The following PBLD variants were observed in gnomAD, a reference collection of about 807,000 sequenced individuals.
PBLD encodes phenazine biosynthesis-like domain-containing protein.
A neutral mutation model predicts 31.3 loss-of-function variants in PBLD; 26 were observed. The observed-to-expected ratio is 0.83, with a 90% CI of 0.61 to 1.15. PBLD has a LOEUF of 1.15. Ranked by LOEUF, PBLD falls within the 50% of genes most tolerant of loss-of-function variation. The pLI is 0.00. For synonymous variants in PBLD, 114 were observed against 129.0 expected (o/e 0.88, Z 0.79); for missense variants, 307 against 351.7 (o/e 0.87, Z 1.02).
intron 1 of PBLD, among the ~76,000 whole-genome samples, chr10:68,307,228 C>A (rs933972883): frequency 2.0e-5 from 3 of 151,976 alleles, no homozygotes; most frequent in Non-Finnish European, 2.9e-5. Flanking sequence ...CAGGTTTTCA[C>A]GGTGTAGGCC....
rs1187528261 is a variant in PBLD, at chr10:68,294,912, G to A, written c.283+1354C>T. Among the ~76,000 whole-genome samples the A allele has an allele frequency of 3.3e-5, 5 of 152,252 alleles. No individual in the cohort carries two copies. The South Asian group carries it at 8.3e-4, about 25-fold the overall frequency. The stretch of plus-strand genomic sequence containing the variant: ...TCAGCTAATTTTTGTATTTTTAGTA[G>A]AGACGGGGTTTTGCCCATCCCCCAC... On this transcript the variant is annotated intron_variant, in intron 4 of 9. Coordinates refer to ENST00000358769, the MANE Select transcript of PBLD (RefSeq NM_022129.4).
chr10:68,309,864 G>A (rs924588268), intron 1 of PBLD, among the ~76,000 whole-genome samples: 6 of 149,338 alleles, frequency 4.0e-5, no homozygotes, highest in Non-Finnish European at 7.4e-5. Context: ...GGCCAGGCAC[G>A]GCGGCTCACA....
At position 68,288,670 on chromosome 10, in the gene PBLD, T is replaced by C. The variant is rs777512436; in HGVS notation, c.513-9A>G. 6.2e-7 allele frequency: 1 copy of C among 1,613,126 alleles called. No individual in the cohort carries two copies. Among genetic ancestry groups the C allele is most frequent in the Non-Finnish European group, 8.5e-7 (1 of 1,179,536 alleles). On this transcript the variant is annotated splice_polypyrimidine_tract_variant and intron_variant, in intron 7 of 9. Coordinates refer to ENST00000358769, the MANE Select transcript of PBLD (RefSeq NM_022129.4). ...GGTTCTCCAGAAACGACCTTGTTCATAAACAAGATGGATTAGGACAAACCC... is the reference window on the plus strand; with the variant it reads ...GGTTCTCCAGAAACGACCTTGTTCACAAACAAGATGGATTAGGACAAACCC...
intron 1 of PBLD, among the ~76,000 whole-genome samples, chr10:68,319,101 A>AAG (rs1480788936): frequency 1.3e-4 from 17 of 135,652 alleles, no homozygotes; most frequent in African/African-American, 5.1e-4. Context: ...GAAAGAAAGA[A>AAG]AGAAAGAAAG....
chr10:68,299,549 C>T (rs2044477393), intron 2 of PBLD, among the ~76,000 whole-genome samples: 1 of 151,960 alleles, frequency 6.6e-6, no homozygotes, highest in Non-Finnish European at 1.5e-5. Flanking sequence ...TTAAAACTAC[C>T]GGCTGATATA....
At chr10:68,306,112 C>T (rs1471008003) in intron 2 of PBLD, among the ~76,000 whole-genome samples, 2 of 150,676 alleles carry the variant, frequency 1.3e-5, no homozygotes, top group Non-Finnish European at 2.9e-5. Context: ...TAACTATTAA[C>T]AATATTTAAA....
chr10:68,300,636 G>C (rs1310121545), intron 2 of PBLD, among the ~76,000 whole-genome samples: 1 of 54,228 alleles, frequency 1.8e-5, no homozygotes, highest in Admixed American at 1.8e-4. Context: ...TTGTGTATAA[G>C]CCATGGTTGT....
chr10:68,300,552 G>A (rs2044492077), intron 2 of PBLD, among the ~76,000 whole-genome samples: 2 of 152,086 alleles, frequency 1.3e-5, no homozygotes, highest in African/African-American at 4.8e-5. Context: ...TTGGGCCTCC[G>A]ACATTCTGAA....
intron 8 of PBLD, among the ~76,000 whole-genome samples, chr10:68,286,712 A>AT (rs2044292940): frequency 6.6e-6 from 1 of 152,150 alleles, no homozygotes; most frequent in African/African-American, 2.4e-5. Context: ...TTAGTGAGGT[A>AT]TTTTTTCACG....
intron 9 of PBLD, 64 bp downstream of exon 9, chr10:68,285,284 A>G (rs778664772): frequency 9.3e-6 from 15 of 1,613,736 alleles, no homozygotes; most frequent in Non-Finnish European, 1.3e-5. Flanking sequence ...GATAGTACAT[A>G]TGAGAAGGAA....
chr10:68,291,736 C>T, intron 6 of PBLD, among the ~76,000 whole-genome samples: 1 of 152,198 alleles, frequency 6.6e-6, no homozygotes, highest in East Asian at 1.9e-4. Flanking sequence ...TCTCCCTCTT[C>T]TTTACCACCT....
intron 2 of PBLD, among the ~76,000 whole-genome samples, chr10:68,305,789 C>T (rs1246767978): frequency 6.6e-6 from 1 of 151,964 alleles, no homozygotes; most frequent in Non-Finnish European, 1.5e-5. Context: ...CACTGCTTCC[C>T]CCCAACTCCC....
intron 8 of PBLD, among the ~76,000 whole-genome samples, chr10:68,286,442 G>A (rs1362166741): frequency 6.6e-6 from 1 of 151,786 alleles, no homozygotes; most frequent in African/African-American, 2.4e-5. Flanking sequence ...TTCCCAGAGT[G>A]CATATGCAAA....
chr10:68,284,989 G>T (rs552331241), intron 9 of PBLD: 3 of 1,098,366 alleles, frequency 2.7e-6, no homozygotes, highest in Non-Finnish European at 3.3e-6. Context: ...AAAGTAATTT[G>T]TTTGATTCAA....
chr10:68,287,426 T>C (rs1045157001), intron 8 of PBLD: 1 of 152,200 alleles, frequency 6.6e-6, no homozygotes, highest in Non-Finnish European at 1.5e-5. Flanking sequence ...CTGGATATGG[T>C]TGGGCATTTT....
At chr10:68,318,524 T>TAA (rs200095770) in intron 1 of PBLD, among the ~76,000 whole-genome samples, 1,868 of 139,520 alleles carry the variant, frequency 0.013, 40 homozygotes, top group South Asian at 0.082. Flanking sequence ...CTGTCTCTTT[T>TAA]AAAAAAAAAA....
intron 6 of PBLD, among the ~76,000 whole-genome samples, chr10:68,290,785 G>T (rs1046658178): frequency 3.9e-5 from 6 of 152,138 alleles, no homozygotes; most frequent in Non-Finnish European, 8.8e-5. Context: ...AACACAAAAT[G>T]GCAATACTTA....
chr10:68,317,641 A>T (rs2044752894), intron 1 of PBLD, among the ~76,000 whole-genome samples: 1 of 151,780 alleles, frequency 6.6e-6, no homozygotes. Flanking sequence ...ACCAAAAAAA[A>T]TTACAAAAAT....
chr10:68,316,517 C>T (rs1404637309), intron 1 of PBLD, among the ~76,000 whole-genome samples: 2 of 152,158 alleles, frequency 1.3e-5, no homozygotes, highest in African/African-American at 4.8e-5. Flanking sequence ...AAGTATACCA[C>T]TATATGCATA....
Sources: allele counts gnomAD v4.1 joint callset (sites outside exome capture counted in the v4.1 genomes callset), GRCh38; gene constraint gnomAD v4.1.1; transcripts MANE v1.5; gene names NCBI Gene and HGNC (gene_info 2026-07-23, HGNC 2026-07-21).